DAB1: variants seen among roughly 807,000 people sequenced by gnomAD.
The protein encoded by DAB1 is disabled homolog 1.
DAB1 carries 15 observed loss-of-function variants against 64.6 expected under a neutral mutation model. That is an observed-to-expected ratio of 0.23 (90% confidence interval 0.16 to 0.36). The LOEUF is 0.36. Among genes scored for constraint, DAB1 ranks in the 10% least tolerant of loss-of-function variants. The pLI is 1.00. For synonymous variants in DAB1, 235 were observed against 251.9 expected (o/e 0.93, Z 0.64); for missense variants, 596 against 706.7 (o/e 0.84, Z 1.78).
rs182654053 is a variant in DAB1 at position 57,730,764 on chromosome 1, C to T, written n.552-81099G>A. ...GGTAGACAGATAGATGAATAAAAGA[C>T]TCAGTAAATATCAATTTCACACTGA... On this transcript the variant is annotated intron_variant and non_coding_transcript_variant, in intron 6 of 20. Transcript: ENST00000485760. Among the ~76,000 whole-genome samples the T allele has an allele frequency of 1.3e-3, 192 of 152,290 alleles. 5 individuals carry two copies. The highest frequency in any genetic ancestry group is 0.012 in the Admixed American group (188 of 15,292).
chr1:58,213,168 T>A (rs116255980), intron 4 of DAB1, among the ~76,000 whole-genome samples: 4,126 of 152,256 alleles, frequency 0.027, 79 homozygotes, highest in Non-Finnish European at 0.042. Flanking sequence ...GTATAAGGAA[T>A]GAAAGTGAAG....
chr1:57,761,281 C>CT (rs1649074709), intron 6 of DAB1, among the ~76,000 whole-genome samples: 1 of 152,154 alleles, frequency 6.6e-6, no homozygotes, highest in African/African-American at 2.4e-5. Flanking sequence ...GGTTTGGAGC[C>CT]TTCTGTAGGC....
chr1:57,420,251 G>T (rs12093279), intron 1 of DAB1, among the ~76,000 whole-genome samples: 16,801 of 152,104 alleles, frequency 0.11, 1,717 homozygotes, highest in African/African-American at 0.27. Context: ...GAGCTAGCTG[G>T]GATCACTTCC....
At chr1:57,551,392 G>A (rs192198165) in intron 7 of DAB1, among the ~76,000 whole-genome samples, 3 of 152,262 alleles carry the variant, frequency 2.0e-5, no homozygotes. Flanking sequence ...CTGTGGCACA[G>A]GGCAGGTGCA....
At chr1:57,158,595 G>A (rs1414563196) in intron 2 of DAB1, among the ~76,000 whole-genome samples, 1 of 152,138 alleles carries the variant, frequency 6.6e-6, no homozygotes, top group South Asian at 2.1e-4. Flanking sequence ...GAATTTCAGG[G>A]CCCAGCAGAC....
chr1:57,707,285 AT>A (rs202070930), intron 6 of DAB1, among the ~76,000 whole-genome samples: 2 of 150,386 alleles, frequency 1.3e-5, no homozygotes, highest in Admixed American at 6.7e-5. Context: ...TAGGTATTAG[AT>A]TTTTTTTTAT....
chr1:58,111,653 C>T (rs1651971692), intron 5 of DAB1, among the ~76,000 whole-genome samples: 3 of 152,122 alleles, frequency 2.0e-5, no homozygotes, highest in Admixed American at 2.0e-4. Context: ...ACAGTAAGTC[C>T]TGTTCTCATA....
chr1:57,027,346 G>C (rs921814821), intron 9 of DAB1, among the ~76,000 whole-genome samples: 1 of 152,124 alleles, frequency 6.6e-6, no homozygotes, highest in Non-Finnish European at 1.5e-5. Context: ...CAACCACCTC[G>C]TTTGCAGGTA....
chr1:57,205,632 C>A (rs997120291), intron 2 of DAB1, among the ~76,000 whole-genome samples: 7 of 152,162 alleles, frequency 4.6e-5, no homozygotes, highest in African/African-American at 1.7e-4. Context: ...TTCATAACAA[C>A]CACACTAGGC....
At chr1:57,041,960 C>T (rs901308074) in intron 9 of DAB1, among the ~76,000 whole-genome samples, 7 of 152,184 alleles carry the variant, frequency 4.6e-5, no homozygotes, top group African/African-American at 1.7e-4. Flanking sequence ...AACTTCCCAA[C>T]TCCTGTTCTA....
intron 9 of DAB1, among the ~76,000 whole-genome samples, chr1:57,045,570 T>G (rs1648366079): frequency 6.6e-6 from 1 of 152,088 alleles, no homozygotes; most frequent in Non-Finnish European, 1.5e-5. Flanking sequence ...TCGTGGCACA[T>G]GTCTGTAATC....
At chr1:57,968,092 G>A (rs959618741) in intron 5 of DAB1, among the ~76,000 whole-genome samples, 2 of 152,134 alleles carry the variant, frequency 1.3e-5, no homozygotes, top group African/African-American at 4.8e-5. Context: ...TTGTCTGAAA[G>A]AGTGTGTGGA....
intron 2 of DAB1, among the ~76,000 whole-genome samples, chr1:57,251,842 C>G (rs912135288): frequency 3.3e-5 from 5 of 152,162 alleles, no homozygotes; most frequent in African/African-American, 1.2e-4. Context: ...TCTATGAGAT[C>G]AGATGATTTG....
At chr1:57,178,437 G>A (rs12026905) in intron 2 of DAB1, among the ~76,000 whole-genome samples, 12,458 of 152,170 alleles carry the variant, frequency 0.082, 1,042 homozygotes, top group African/African-American at 0.21. Context: ...ATGGAACAGT[G>A]TGGATAATTC....
rs932750608 is a variant in DAB1, at chr1:57,882,302, G to T, written n.87+1697C>A. On this transcript the variant is annotated intron_variant and non_coding_transcript_variant, in intron 1 of 1. Coordinates refer to the DAB1 transcript ENST00000477280. ...TTCTCTGCTGGATTCCAAAATGGACGATGTGGGAGGGGGCACAGGGCAGAC... is the reference window on the plus strand; with the variant it reads ...TTCTCTGCTGGATTCCAAAATGGACTATGTGGGAGGGGGCACAGGGCAGAC... Among the ~76,000 whole-genome samples the T allele has an allele frequency of 3.3e-5, 5 of 152,286 alleles. No homozygotes were observed. In the East Asian group the frequency reaches 9.7e-4, roughly 29 times the overall value.
intron 7 of DAB1, among the ~76,000 whole-genome samples, chr1:57,504,538 T>C (rs577530162): frequency 1.6e-4 from 24 of 152,166 alleles, no homozygotes; most frequent in Non-Finnish European, 3.2e-4. Flanking sequence ...CATACTGATA[T>C]ACAAAAATGA....
intron 5 of DAB1, among the ~76,000 whole-genome samples, chr1:57,958,436 G>A (rs965408683): frequency 2.0e-5 from 3 of 152,262 alleles, no homozygotes; most frequent in Admixed American, 6.5e-5. Context: ...ACAACCAAGA[G>A]AAATACCTGC....
At chr1:57,279,094 C>T (rs1292219373) in intron 2 of DAB1, among the ~76,000 whole-genome samples, 1 of 152,138 alleles carries the variant, frequency 6.6e-6, no homozygotes, top group Admixed American at 6.5e-5. Flanking sequence ...TGCGAAATTT[C>T]CTGGTCTTCA....
chr1:57,099,284 G>C (rs1654453327), intron 4 of DAB1, among the ~76,000 whole-genome samples: 1 of 152,164 alleles, frequency 6.6e-6, no homozygotes, highest in South Asian at 2.1e-4. Context: ...AGGATAATAG[G>C]GTTGATTGTA....
Sources: allele counts gnomAD v4.1 joint callset (sites outside exome capture counted in the v4.1 genomes callset), GRCh38; gene constraint gnomAD v4.1.1; transcripts MANE v1.5; gene names NCBI Gene and HGNC (gene_info 2026-07-23, HGNC 2026-07-21).